Variants in IQSEC1 observed in about 807,000 individuals in gnomAD.
The protein encoded by IQSEC1 is IQ motif and Sec7 domain ArfGEF 1.
In IQSEC1, 31 loss-of-function variants were observed where a neutral mutation model predicts 91.0. That is an observed-to-expected ratio of 0.34 (90% CI 0.26 to 0.46). The LOEUF is 0.46. Ranked by LOEUF, IQSEC1 falls within the 20% of genes least tolerant of loss-of-function variation. IQSEC1 has a pLI of 1.00. For missense variants in IQSEC1, 1,388 were observed against 1,575.6 expected (o/e 0.88, Z 2.02); for synonymous variants, 699 against 662.6 (o/e 1.05, Z -0.84).
chr3:13,033,817 G>A lies in IQSEC1; in HGVS notation c.23+39175C>T, dbSNP rs116059893. ...ATTGGAAGAGGACCACCCAGCCTGGGGAGGGCAGTCGGCTTCACTCAGCCC... is the reference window on the plus strand; with the variant it reads ...ATTGGAAGAGGACCACCCAGCCTGGAGAGGGCAGTCGGCTTCACTCAGCCC... On this transcript the variant is annotated intron_variant, in intron 1 of 13. Coordinates refer to ENST00000613206, the MANE Select transcript of IQSEC1 (RefSeq NM_001134382.3). Among the ~76,000 whole-genome samples, 693 of 152,254 alleles carry A rather than the reference G, an allele frequency of 4.6e-3. 1 individual carries two copies. Among genetic ancestry groups the A allele is most frequent in the African/African-American group, 0.016 (666 of 41,536 alleles).
rs114522599 is a variant in IQSEC1, at chr3:12,932,735, C to T, written c.1568+2713G>A. 7.5e-3 allele frequency among the ~76,000 whole-genome samples: 1,145 copies of T among 152,308 alleles called. 13 individuals carry two copies. The highest frequency in any genetic ancestry group is 0.026 in the African/African-American group (1,096 of 41,572). On this transcript the variant is annotated intron_variant, in intron 3 of 13. Coordinates refer to ENST00000613206, the MANE Select transcript of IQSEC1 (RefSeq NM_001134382.3). ...GTTCAGGGAGTTGCCCCAGGTCCCA[C>T]AGCTGATAGGTGGCAGATCCAGGAC...
At chr3:13,111,065 G>A (rs1002218000) in intron 2 of IQSEC1, among the ~76,000 whole-genome samples, 4 of 152,204 alleles carry the variant, frequency 2.6e-5, no homozygotes, top group South Asian at 2.1e-4. Flanking sequence ...AGCAAAGTGC[G>A]CCAGAGAGTG....
intron 1 of IQSEC1, among the ~76,000 whole-genome samples, chr3:12,975,493 A>G (rs192593544): frequency 6.6e-6 from 1 of 152,282 alleles, no homozygotes; most frequent in East Asian, 1.9e-4. Flanking sequence ...TTACAGATAC[A>G]CTGAGACTCA....
Position 13,198,461 on chromosome 3 carries a change from C to T in IQSEC1, c.273-34328G>A, listed in dbSNP as rs187806765. 2.0e-5 allele frequency among the ~76,000 whole-genome samples: 3 copies of T among 152,172 alleles called. No homozygotes were observed. The East Asian group carries it at 5.8e-4, about 29-fold the overall frequency. ...AGGGTAGGCGGGGGGCAGGAAGGGG[C>T]TCCACCCAGAGTGAGATGCAGATTT... is the stretch of plus-strand genomic sequence containing the variant. On this transcript the variant is annotated intron_variant, in intron 1 of 15. Transcript: ENST00000648114.
In IQSEC1 at chr3:12,983,858, G is replaced by A. The variant is rs772648981; in HGVS notation, c.24-41993C>T. 2.0e-5 allele frequency among the ~76,000 whole-genome samples: 3 copies of A among 152,030 alleles called. No individual in the cohort carries two copies. The highest frequency in any genetic ancestry group is 6.5e-5 in the Admixed American group (1 of 15,280). On this transcript the variant is annotated intron_variant, in intron 1 of 13. Transcript: ENST00000613206. The surrounding 1 kb of genome is among the most constrained non-coding windows in gnomAD (Gnocchi z 4.3). ...CTGGATAAATATTTGTGGATGAAAT[G>A]AATATGCCCAGCTCATGTATGTCCC...
chr3:13,222,136 C>G (rs1481303218), intron 1 of IQSEC1, among the ~76,000 whole-genome samples: 3 of 151,594 alleles, frequency 2.0e-5, no homozygotes, highest in Non-Finnish European at 2.9e-5. Flanking sequence ...AAACACGAAC[C>G]CCCAGCCCCC....
At chr3:12,942,496 A>G (rs1376086784) in intron 1 of IQSEC1, among the ~76,000 whole-genome samples, 1 of 151,914 alleles carries the variant, frequency 6.6e-6, no homozygotes, top group Admixed American at 6.6e-5. Flanking sequence ...CCAGCTACTC[A>G]GGAGGCTGAG....
chr3:12,980,040 T>C (rs981050999), intron 1 of IQSEC1, among the ~76,000 whole-genome samples: 1 of 152,326 alleles, frequency 6.6e-6, no homozygotes, highest in Admixed American at 6.5e-5. Context: ...ACTTGGCTGC[T>C]GCCCCACTGT....
chr3:13,163,048 C>G (rs760969939), intron 2 of IQSEC1, among the ~76,000 whole-genome samples: 2 of 152,124 alleles, frequency 1.3e-5, no homozygotes, highest in Non-Finnish European at 2.9e-5. Context: ...CTGCTTCCTG[C>G]GAGACCCTGC....
chr3:12,994,290 G>A lies in IQSEC1; in HGVS notation c.24-52425C>T, dbSNP rs1435314102. 1.3e-5 allele frequency among the ~76,000 whole-genome samples: 2 copies of A among 151,424 alleles called. No homozygotes were observed. Among genetic ancestry groups the A allele is most frequent in the African/African-American group, 4.8e-5 (2 of 41,310 alleles). ...ACCGCCCGTGCGCCGTGACCTTGGC[G>A]GGTGGCCTCGCCGCGCCTGGCCTCA... On this transcript the variant is annotated intron_variant, in intron 1 of 13. Transcript: ENST00000613206. The surrounding 1 kb of genome is among the most constrained non-coding windows in gnomAD (Gnocchi z 4.5).
intron 2 of IQSEC1, among the ~76,000 whole-genome samples, chr3:13,093,706 C>T (rs1471392819): frequency 6.6e-6 from 1 of 152,148 alleles, no homozygotes; most frequent in African/African-American, 2.4e-5. Flanking sequence ...GGATCAGGCC[C>T]GAGCACTGAT....
chr3:13,280,010 C>T (rs1695759544), intron 1 of IQSEC1, among the ~76,000 whole-genome samples: 2 of 152,220 alleles, frequency 1.3e-5, no homozygotes, highest in Non-Finnish European at 2.9e-5. Context: ...AGAATCTGAC[C>T]TGCATTAAGC....
chr3:13,005,783 C>T (rs1702610405), intron 1 of IQSEC1, among the ~76,000 whole-genome samples: 1 of 152,176 alleles, frequency 6.6e-6, no homozygotes, highest in African/African-American at 2.4e-5. Flanking sequence ...TGAAGGTGAG[C>T]CAGCCAGCTT....
chr3:13,264,286 C>T (rs581086), intron 1 of IQSEC1, among the ~76,000 whole-genome samples: 94,512 of 151,934 alleles, frequency 0.62, 30,160 homozygotes, highest in East Asian at 0.96. Flanking sequence ...CAGTCCAGGC[C>T]GACTCACTAG....
At chr3:13,002,725 G>A (rs1702472863) in intron 1 of IQSEC1, among the ~76,000 whole-genome samples, 1 of 152,144 alleles carries the variant, frequency 6.6e-6, no homozygotes, top group African/African-American at 2.4e-5. Context: ...TGGCCAATAA[G>A]CACATGAAAA....
Position 12,994,080 on chromosome 3 carries a change from C to T in IQSEC1, c.24-52215G>A, listed in dbSNP as rs1702117679. On this transcript the variant is annotated intron_variant, in intron 1 of 13. Transcript: ENST00000613206. The surrounding 1 kb of genome is among the most constrained non-coding windows in gnomAD (Gnocchi z 4.5). Reference sequence around the variant, plus strand: ...GCGTCCCCCGCCGGCCCGCCTCCTACCTCGCGGGTCCGCCCGCAGCCGCCG... The same window carrying T: ...GCGTCCCCCGCCGGCCCGCCTCCTATCTCGCGGGTCCGCCCGCAGCCGCCG... 6.8e-6 allele frequency among the ~76,000 whole-genome samples: 1 copy of T among 146,826 alleles called. No homozygotes were observed. Among genetic ancestry groups the T allele is most frequent in the Admixed American group, 6.8e-5 (1 of 14,786 alleles).
intron 1 of IQSEC1, among the ~76,000 whole-genome samples, chr3:13,171,124 G>A: frequency 6.6e-6 from 1 of 150,564 alleles, no homozygotes; most frequent in African/African-American, 2.5e-5. Context: ...AACAAAAAAA[G>A]AAAGCCTTGT....
rs201136387 is a variant in IQSEC1 at position 12,920,413 on chromosome 3, C to T, written c.2020+17G>A. 229 of 1,608,982 alleles carry T rather than the reference C, an allele frequency of 1.4e-4. 1 individual carries two copies. The African/African-American group carries it at 2.0e-3, about 14-fold the overall frequency. On this transcript the variant is annotated intron_variant, in intron 6 of 13. Coordinates refer to ENST00000613206, the MANE Select transcript of IQSEC1 (RefSeq NM_001134382.3). Reference sequence around the variant, plus strand: ...TGGAGCAAATCTGTGGCTGGCCGACCGCCTGAGACAGCTCACCTCGGAGGT... The same window carrying T: ...TGGAGCAAATCTGTGGCTGGCCGACTGCCTGAGACAGCTCACCTCGGAGGT...
chr3:13,278,540 TG>T (rs1695734156), intron 1 of IQSEC1, among the ~76,000 whole-genome samples: 1 of 152,048 alleles, frequency 6.6e-6, no homozygotes, highest in African/African-American at 2.4e-5. Context: ...GGGGGGAGGC[TG>T]GGTGTGGTGG....
Sources: gnomAD v4.1 joint callset for allele counts (sites outside exome capture counted in the v4.1 genomes callset) on GRCh38, gnomAD v4.1.1 for gene constraint, Gnocchi (gnomAD v3.1) non-coding constraint, MANE v1.5 for transcripts, NCBI Gene and HGNC (gene_info 2026-07-23, HGNC 2026-07-21) for gene names.